The following UBE2N variants were observed in gnomAD, a reference collection of about 807,000 sequenced individuals.
UBE2N encodes ubiquitin conjugating enzyme E2 N.
For missense variants in UBE2N, 60 were observed against 192.1 expected (o/e 0.31, Z 4.07); for synonymous variants, 70 against 69.2 (o/e 1.01, Z -0.06).
At chr12:93,434,805 C>T (rs1486717851) in intron 1 of UBE2N, among the ~76,000 whole-genome samples, 1 of 151,398 alleles carries the variant, frequency 6.6e-6, no homozygotes, top group East Asian at 1.9e-4. Context: ...TGTTCCTAGT[C>T]AAATTTTTTA....
In UBE2N at chr12:93,410,110, TTTTACTTAGTTC is replaced by T. The variant is rs763867041; in HGVS notation, c.419-43_419-32del. ...GACAGAAACAAACATACGATTATTA[TTTTACTTAGTTC>T]AATATGTTACTTTCCAAACTATAAA... On this transcript the variant is annotated intron_variant, in intron 3 of 3. Coordinates refer to ENST00000318066, the MANE Select transcript of UBE2N (RefSeq NM_003348.4). 16 of 1,604,790 alleles carry T rather than the reference TTTTACTTAGTTC, an allele frequency of 1.0e-5. No individual in the cohort carries two copies. In the South Asian group the frequency reaches 1.8e-4, roughly 18 times the overall value.
intron 1 of UBE2N, among the ~76,000 whole-genome samples, chr12:93,420,396 G>C (rs576416067): frequency 6.6e-6 from 1 of 152,248 alleles, no homozygotes; most frequent in Non-Finnish European, 1.5e-5. Flanking sequence ...AGGGACTTCT[G>C]AAAGTCAAAG....
intron 1 of UBE2N, among the ~76,000 whole-genome samples, chr12:93,432,934 T>TTTTC (rs1878814613): frequency 6.1e-3 from 1 of 164 alleles, no homozygotes; most frequent in South Asian, 0.1. Flanking sequence ...TTCATTCAGG[T>TTTTC]TTTTTTTTTT....
At chr12:93,420,583 G>C (rs889658061) in intron 1 of UBE2N, among the ~76,000 whole-genome samples, 1 of 152,152 alleles carries the variant, frequency 6.6e-6, no homozygotes, top group African/African-American at 2.4e-5. Flanking sequence ...ACCCCAGCTA[G>C]TAAATGGTGG....
intron 1 of UBE2N, among the ~76,000 whole-genome samples, chr12:93,440,647 G>A (rs1189280573): frequency 6.6e-6 from 1 of 152,112 alleles, no homozygotes; most frequent in African/African-American, 2.4e-5. Context: ...CGTTCACCAG[G>A]TTATATCAAG....
intron 1 of UBE2N, among the ~76,000 whole-genome samples, chr12:93,418,263 T>C (rs968669586): frequency 6.6e-6 from 1 of 151,702 alleles, no homozygotes; most frequent in South Asian, 2.1e-4. Context: ...ACTTGGGAGG[T>C]TGAGGTGGGA....
intron 1 of UBE2N, among the ~76,000 whole-genome samples, chr12:93,427,484 G>C (rs1193488880): frequency 3.3e-5 from 5 of 152,204 alleles, no homozygotes; most frequent in Admixed American, 3.3e-4. Flanking sequence ...CATGCTAAAT[G>C]AAAGAAGCCA....
Position 93,408,137 on chromosome 12 carries a change from G to A in UBE2N, c.*1902C>T, listed in dbSNP as rs1297252134. ...GGCAGTAAATGTTGATTTCTATTTC[G>A]TTTCTTGAAGTTTTGTGTGGTTCAT... On this transcript the variant is annotated 3_prime_UTR_variant, in exon 4 of 4. Coordinates refer to ENST00000318066, the MANE Select transcript of UBE2N (RefSeq NM_003348.4). 3 of 152,022 alleles carry A rather than the reference G, an allele frequency of 2.0e-5. No homozygotes were observed. The highest frequency in any genetic ancestry group is 4.4e-5 in the Non-Finnish European group (3 of 68,000). The allele number at this position is 152,022 out of a possible 1,614,324, so 9.4% of individuals were successfully genotyped here.
chr12:93,436,333 G>C (rs1287333609), intron 1 of UBE2N, among the ~76,000 whole-genome samples: 1 of 152,138 alleles, frequency 6.6e-6, no homozygotes, highest in African/African-American at 2.4e-5. Flanking sequence ...TGAAACCTTG[G>C]GCTCAGGGGA....
chr12:93,429,430 T>TTTCA (rs2121087528), intron 1 of UBE2N: 1 of 300,766 alleles, frequency 3.3e-6, no homozygotes, highest in South Asian at 2.9e-5. Flanking sequence ...GCTGTATGAG[T>TTTCA]TTCAGTCAAT....
chr12:93,430,780 T>C (rs1015293062), intron 1 of UBE2N, among the ~76,000 whole-genome samples: 4 of 148,084 alleles, frequency 2.7e-5, no homozygotes, highest in African/African-American at 9.8e-5. Context: ...ATATATATTT[T>C]ATATTGTACA....
intron 1 of UBE2N, among the ~76,000 whole-genome samples, chr12:93,419,390 C>CAA (rs879328652): frequency 1.0e-5 from 1 of 98,954 alleles, no homozygotes; most frequent in Non-Finnish European, 2.1e-5. Flanking sequence ...AACTCCGTCT[C>CAA]AAAAAAAAAA....
At chr12:93,431,253 A>AAC (rs377497390) in intron 1 of UBE2N, among the ~76,000 whole-genome samples, 4,833 of 152,252 alleles carry the variant, frequency 0.032, 271 homozygotes, top group African/African-American at 0.11. Context: ...AACCAACCAA[A>AAC]CAAACAAAAC....
At chr12:93,440,570 T>C (rs1428757894) in intron 1 of UBE2N, among the ~76,000 whole-genome samples, 2 of 152,222 alleles carry the variant, frequency 1.3e-5, no homozygotes, top group African/African-American at 2.4e-5. Context: ...CCTCGAAGCC[T>C]AACAGGTCTT....
intron 1 of UBE2N, among the ~76,000 whole-genome samples, chr12:93,439,032 A>G (rs972420787): frequency 6.6e-6 from 1 of 152,236 alleles, no homozygotes; most frequent in Admixed American, 6.5e-5. Flanking sequence ...TGTCTGTAAG[A>G]ATCAAATGGT....
intron 1 of UBE2N, 29 bp from the exon 2 acceptor site, chr12:93,411,328 A>G (rs770321283): frequency 6.4e-7 from 1 of 1,565,516 alleles, no homozygotes; most frequent in Non-Finnish European, 8.6e-7. Context: ...CACATTTGTG[A>G]AACAAATGTC....
intron 1 of UBE2N, among the ~76,000 whole-genome samples, chr12:93,433,347 T>G (rs1275334174): frequency 1.3e-5 from 2 of 152,196 alleles, no homozygotes; most frequent in African/African-American, 4.8e-5. Context: ...TATCCAGTTC[T>G]TCCAACCACA....
At chr12:93,419,865 C>T (rs1249648004) in intron 1 of UBE2N, among the ~76,000 whole-genome samples, 4 of 152,152 alleles carry the variant, frequency 2.6e-5, no homozygotes, top group African/African-American at 9.7e-5. Flanking sequence ...GCAAACCAAG[C>T]AAAGCTAAGA....
intron 1 of UBE2N, among the ~76,000 whole-genome samples, chr12:93,432,470 G>C (rs1878798381): frequency 7.0e-6 from 1 of 142,338 alleles, no homozygotes; most frequent in Admixed American, 7.0e-5. Flanking sequence ...TTGTCTTTAA[G>C]AGTCACAAAA....
Sources: allele counts gnomAD v4.1 joint callset (sites outside exome capture counted in the v4.1 genomes callset), GRCh38; gene constraint gnomAD v4.1.1; transcripts MANE v1.5; gene names NCBI Gene and HGNC (gene_info 2026-07-23, HGNC 2026-07-21).